Variants in DTL observed in about 807,000 individuals in gnomAD.
DTL encodes denticleless E3 ubiquitin protein ligase adapter, also known as denticleless protein homolog.
In DTL, 46 loss-of-function variants were observed where a neutral mutation model predicts 87.0. The ratio of observed to expected loss-of-function variants is 0.53; its 90% CI spans 0.42 to 0.68. The LOEUF (loss-of-function observed/expected upper bound fraction) is 0.68. Ranked by LOEUF, DTL falls within the 30% of genes least tolerant of loss-of-function variation. The pLI, the probability that DTL is intolerant of heterozygous loss-of-function variation, is 0.00. For missense variants in DTL, 737 were observed against 869.4 expected (o/e 0.85, Z 1.91); for synonymous variants, 308 against 311.2 (o/e 0.99, Z 0.11).
At chr1:212,043,471 T>C (rs1667714152) in intron 2 of DTL, among the ~76,000 whole-genome samples, 1 of 152,152 alleles carries the variant, frequency 6.6e-6, no homozygotes, top group Non-Finnish European at 1.5e-5. Flanking sequence ...GGGGAATATA[T>C]GAACAGAAAT....
chr1:212,041,582 G>A (rs1571937165), intron 1 of DTL, among the ~76,000 whole-genome samples: 1 of 152,006 alleles, frequency 6.6e-6, no homozygotes, highest in Non-Finnish European at 1.5e-5. Context: ...CTCAGCTCGC[G>A]GCACGCTCCG....
At chr1:212,074,981 C>G (rs11119843) in intron 11 of DTL, among the ~76,000 whole-genome samples, 48,130 of 151,938 alleles carry the variant, frequency 0.32, 8,998 homozygotes, top group Middle Eastern at 0.43. Flanking sequence ...GTCTCACCCC[C>G]ACCCCATCCT....
chr1:212,051,136 C>T (rs959270008), intron 5 of DTL, among the ~76,000 whole-genome samples: 13 of 151,900 alleles, frequency 8.6e-5, no homozygotes, highest in Non-Finnish European at 1.6e-4. Context: ...TTCATCTGTA[C>T]CAGTTTTGTT....
chr1:212,072,758 AT>A (rs1654711916), intron 11 of DTL, among the ~76,000 whole-genome samples: 1 of 118,492 alleles, frequency 8.4e-6, no homozygotes, highest in Non-Finnish European at 1.7e-5. Context: ...TTATTTACTA[AT>A]CTTTTTTTTT....
At chr1:212,097,163 TTAA>T (rs1655475803) in intron 13 of DTL, among the ~76,000 whole-genome samples, 1 of 152,194 alleles carries the variant, frequency 6.6e-6, no homozygotes, top group African/African-American at 2.4e-5. Context: ...TAATAATTAT[TTAA>T]TAAGGCTAAA....
rs377563145 is a variant in DTL, at chr1:212,063,194, A to G, written c.526+245A>G. On this transcript the variant is annotated intron_variant, in intron 6 of 14. Transcript: ENST00000366991. ...ATATTGTCTTCTGAATTATAATGCC[A>G]TTTACCCACATTATTGATGGACTTA... 5.6e-4 allele frequency among the ~76,000 whole-genome samples: 85 copies of G among 152,226 alleles called. 1 individual carries two copies. In the South Asian group the frequency reaches 0.017, roughly 30 times the overall value.
At chr1:212,064,857 A>G in intron 6 of DTL, 60 bp from the exon 7 acceptor site, 2 of 1,356,370 alleles carry the variant, frequency 1.5e-6, no homozygotes, top group Non-Finnish European at 2.1e-6. Flanking sequence ...TTTTATTTAC[A>G]CATGTTATAT....
Position 212,095,854 on chromosome 1 carries a change from C to T in DTL, c.1262-4398C>T, listed in dbSNP as rs185885342. Among the ~76,000 whole-genome samples, 45 of 152,162 alleles carry T rather than the reference C, an allele frequency of 3.0e-4. No individual in the cohort carries two copies. The East Asian group carries it at 6.0e-3, about 20-fold the overall frequency. On this transcript the variant is annotated intron_variant, in intron 13 of 14. Coordinates refer to ENST00000366991, the MANE Select transcript of DTL (RefSeq NM_016448.4). Reference sequence around the variant, plus strand: ...AGTTTTCTTTTTTGTCATGTCCTTTCCTGGTTTTGGTATTAGAGTGATACT... The same window carrying T: ...AGTTTTCTTTTTTGTCATGTCCTTTTCTGGTTTTGGTATTAGAGTGATACT...
intron 11 of DTL, among the ~76,000 whole-genome samples, chr1:212,075,030 C>G (rs1654789754): frequency 6.6e-6 from 1 of 152,160 alleles, no homozygotes; most frequent in African/African-American, 2.4e-5. Context: ...CACTGAATAG[C>G]ATCGAAGTGG....
chr1:212,040,020 T>C (rs1457183384), intron 1 of DTL, among the ~76,000 whole-genome samples: 1 of 152,228 alleles, frequency 6.6e-6, no homozygotes, highest in Non-Finnish European at 1.5e-5. Flanking sequence ...CAATAATAAA[T>C]TAACCTTAGC....
At position 212,103,024 on chromosome 1, in the gene DTL, G is replaced by A. The variant is rs1655669955; in HGVS notation, c.*84G>A. On this transcript the variant is annotated 3_prime_UTR_variant, in exon 15 of 15. Coordinates refer to ENST00000366991, the MANE Select transcript of DTL (RefSeq NM_016448.4). ...CACTAAAACAAGATGAAAAATACAAGAGTGACTCTATAACTCTGGTCTTTA... is the reference window on the plus strand; with the variant it reads ...CACTAAAACAAGATGAAAAATACAAAAGTGACTCTATAACTCTGGTCTTTA... The A allele has an allele frequency of 1.3e-6, 1 of 763,998 alleles. No individual in the cohort carries two copies. Among genetic ancestry groups the A allele is most frequent in the Non-Finnish European group, 2.2e-6 (1 of 464,422 alleles). The allele number at this position is 763,998 out of a possible 1,614,324, so 47.3% of individuals were successfully genotyped here. A position where few individuals can be genotyped will look rare whatever the true frequency, so the allele number is the denominator to read the frequency against.
intron 5 of DTL, among the ~76,000 whole-genome samples, chr1:212,054,049 AT>A (rs1179336907): frequency 6.6e-6 from 1 of 152,148 alleles, no homozygotes; most frequent in Non-Finnish European, 1.5e-5. Context: ...TTAACAGGCA[AT>A]TCACTTGTTT....
At position 212,082,302 on chromosome 1, in the gene DTL, A is replaced by G. The variant is rs1655010374; in HGVS notation, c.1261+1552A>G. On this transcript the variant is annotated intron_variant, in intron 13 of 14. Transcript: ENST00000366991. The stretch of plus-strand genomic sequence containing the variant: ...GTGGCCTGATTGGTGTCATTCATGT[A>G]TATGACTTGGGGACTACAAGTATAG... Among the ~76,000 whole-genome samples the G allele has an allele frequency of 2.6e-5, 4 of 152,226 alleles. No individual in the cohort carries two copies. The East Asian group carries it at 7.7e-4, about 29-fold the overall frequency.
chr1:212,090,301 TA>T (rs1223116205), intron 13 of DTL, among the ~76,000 whole-genome samples: 2 of 152,060 alleles, frequency 1.3e-5, no homozygotes, highest in African/African-American at 4.8e-5. Flanking sequence ...AAACACAGGG[TA>T]AAAAAAGGAC....
At position 212,044,643 on chromosome 1, in the gene DTL, C is replaced by A; in HGVS notation, c.179-17C>A. The A allele has an allele frequency of 9.2e-6, 13 of 1,408,276 alleles. No homozygotes were observed. Among genetic ancestry groups the A allele is most frequent in the African/African-American group, 1.5e-5 (1 of 68,020 alleles). 87.2% of individuals were successfully genotyped at this position (1,408,276 alleles called of 1,614,324 possible). Reference sequence around the variant, plus strand: ...ATTGTGTTACTCTATATATTTTTTTCTTTATTTCTGCTTTAGCTCCCAATA... The same window carrying A: ...ATTGTGTTACTCTATATATTTTTTTATTTATTTCTGCTTTAGCTCCCAATA... On this transcript the variant is annotated splice_polypyrimidine_tract_variant and intron_variant, in intron 2 of 14. Coordinates refer to ENST00000366991, the MANE Select transcript of DTL (RefSeq NM_016448.4).
chr1:212,058,105 T>C (rs1571952265), intron 5 of DTL, among the ~76,000 whole-genome samples: 2 of 152,100 alleles, frequency 1.3e-5, no homozygotes, highest in East Asian at 3.8e-4. Context: ...AGGGAGAGAC[T>C]CCAGTGCAAT....
rs1461989060 is a variant in DTL, at chr1:212,063,897, T to TG, written c.526+948_526+949insG. Among the ~76,000 whole-genome samples, 41 of 145,088 alleles carry TG rather than the reference T, an allele frequency of 2.8e-4. 1 individual carries two copies. The East Asian group carries it at 7.6e-3, about 27-fold the overall frequency. On this transcript the variant is annotated intron_variant, in intron 6 of 14. Transcript: ENST00000366991. Reference sequence around the variant, plus strand: ...TCTCTTCTGGTTTTTTGTTTCTTGTTTTTTTTTTTTTTGGAGACGGAGTCT... The same window carrying TG: ...TCTCTTCTGGTTTTTTGTTTCTTGTTGTTTTTTTTTTTTGGAGACGGAGTCT...
chr1:212,080,085 C>G (rs1424783874), intron 12 of DTL, among the ~76,000 whole-genome samples: 1 of 152,166 alleles, frequency 6.6e-6, no homozygotes, highest in Non-Finnish European at 1.5e-5. Flanking sequence ...TCCCAGATTG[C>G]TCCTCTACCT....
At chr1:212,047,263 C>A (rs1157807793) in intron 4 of DTL, 34 bp from the exon 5 acceptor site, 1 of 1,613,934 alleles carries the variant, frequency 6.2e-7, no homozygotes, top group Non-Finnish European at 8.5e-7. Flanking sequence ...TAAGGGAGTG[C>A]TTTATTAAAT....
Sources: gnomAD v4.1 joint callset for allele counts (sites outside exome capture counted in the v4.1 genomes callset) on GRCh38, gnomAD v4.1.1 for gene constraint, MANE v1.5 for transcripts, NCBI Gene and HGNC (gene_info 2026-07-23, HGNC 2026-07-21) for gene names.